The following RASA3 variants were observed in gnomAD, a reference collection of about 807,000 sequenced individuals.
RASA3 encodes the protein RAS p21 protein activator 3.
Under a neutral mutation model 110.0 loss-of-function variants are expected in RASA3, and 73 were observed. The ratio of observed to expected loss-of-function variants is 0.66; its 90% CI spans 0.55 to 0.81. The LOEUF (loss-of-function observed/expected upper bound fraction) is 0.81, where lower values mean the gene tolerates loss of function less well. Ranked by LOEUF, RASA3 falls within the 30% of genes least tolerant of loss-of-function variation. The pLI is 0.00. For synonymous variants in RASA3, 500 were observed against 451.4 expected (o/e 1.11, Z -1.37); for missense variants, 976 against 1,113.2 (o/e 0.88, Z 1.75).
At position 114,052,086 on chromosome 13, in the gene RASA3, G is replaced by T; in HGVS notation, c.243C>A (p.Phe81Leu). Residue 81 changes from phenylalanine to leucine, a missense_variant, in exon 3 of 24, where the codon TTC becomes TTA. Phe to Leu is a conservative substitution (Grantham distance 22). Transcript: ENST00000334062. The stretch of plus-strand genomic sequence containing the variant: ...AATCCCTCCGGAAAACGTCTCTATC[G>T]AAAATGTAGAAGGACAGGTGACGAA... The part of the protein sequence containing the change: ...RSFRHLSFYI[F>L]DRDVFRRDSI... 3 of 1,612,724 alleles carry T rather than the reference G, an allele frequency of 1.9e-6. No individual in the cohort carries two copies. The highest frequency in any genetic ancestry group is 2.2e-5 in the South Asian group (2 of 91,048).
In RASA3 at chr13:114,099,008, CCA is replaced by C. The variant is rs2079985601; in HGVS notation, c.56-25173_56-25172del. 9.7e-5 allele frequency among the ~76,000 whole-genome samples: 9 copies of C among 92,470 alleles called. 4 individuals carry two copies. The highest frequency in any genetic ancestry group is 3.0e-4 in the African/African-American group (7 of 23,364). 60.7% of individuals were successfully genotyped at this position (92,470 alleles called of 152,430 possible). On this transcript the variant is annotated intron_variant, in intron 1 of 23. Coordinates refer to ENST00000334062, the MANE Select transcript of RASA3 (RefSeq NM_007368.4). Reference sequence around the variant, plus strand: ...GTCGGGGCCCGGCCACCCGAGCCCCCCAGACCACAGCAGTCGGGGCCCGGCCA... The same window carrying C: ...GTCGGGGCCCGGCCACCCGAGCCCCCGACCACAGCAGTCGGGGCCCGGCCA...
rs564066984 is a variant in RASA3, at chr13:114,123,565, C to T, written c.55+8870G>A. Among the ~76,000 whole-genome samples, 3 of 152,324 alleles carry T rather than the reference C, an allele frequency of 2.0e-5. No individual in the cohort carries two copies. In the South Asian group the frequency reaches 6.2e-4, roughly 32 times the overall value. On this transcript the variant is annotated intron_variant, in intron 1 of 23. Transcript: ENST00000334062. ...CCGGGCTGCAGCTTGGAGACGATGA[C>T]GTCCAAAAACCAAGCTCCAGGAAGA...
In RASA3 at chr13:114,017,282, C is replaced by G; in HGVS notation, c.1161G>C (p.Ala387=). The part of the protein sequence containing the change: ...SKCIDETMKL[A]GMHYLHVTLK... The stretch of plus-strand genomic sequence containing the variant: ...GGGTGACATGCAGGTAATGCATCCC[C>G]GCCAGCTTCATGGTCTCGTCGATGC... Residue 387 remains alanine, a synonymous_variant, in exon 12 of 24, where the codon GCG becomes GCC. Transcript: ENST00000334062. 1.9e-6 allele frequency: 3 copies of G among 1,613,902 alleles called. No homozygotes were observed. Among genetic ancestry groups the G allele is most frequent in the Non-Finnish European group, 2.5e-6 (3 of 1,180,028 alleles).
chr13:114,027,557 A>C, intron 6 of RASA3, 96 bp from the exon 7 acceptor site: 1 of 901,790 alleles, frequency 1.1e-6, no homozygotes, highest in Non-Finnish European at 1.7e-6. Flanking sequence ...CAAGTCACTT[A>C]TTGGCTTTAT....
At chr13:114,001,582 A>C (rs998723314) in intron 18 of RASA3, among the ~76,000 whole-genome samples, 3 of 136,734 alleles carry the variant, frequency 2.2e-5, no homozygotes, top group African/African-American at 8.3e-5. Context: ...GGATGCCCAC[A>C]CAACACAGAG....
At chr13:113,980,098 T>C (rs569848312) in intron 23 of RASA3, among the ~76,000 whole-genome samples, 4,431 of 128,226 alleles carry the variant, frequency 0.035, 255 homozygotes, top group African/African-American at 0.13. Flanking sequence ...CCCACGTGTG[T>C]GCACCCCTCT....
At chr13:114,079,528 A>G (rs139743067) in intron 1 of RASA3, among the ~76,000 whole-genome samples, 1 of 152,334 alleles carries the variant, frequency 6.6e-6, no homozygotes, top group Non-Finnish European at 1.5e-5. Flanking sequence ...TACCGGAACA[A>G]TAGTCTTGTG....
At chr13:114,130,753 G>A (rs916960502) in intron 1 of RASA3, among the ~76,000 whole-genome samples, 15 of 151,756 alleles carry the variant, frequency 9.9e-5, no homozygotes, top group South Asian at 2.1e-4. Context: ...CCCCACCCCC[G>A]AGCCGCAAAG....
At chr13:114,107,311 A>G (rs187219099) in intron 1 of RASA3, among the ~76,000 whole-genome samples, 26 of 130,760 alleles carry the variant, frequency 2.0e-4, no homozygotes, top group African/African-American at 6.7e-4. Context: ...CTTGCGGGGG[A>G]CGGGCCTGTG....
intron 16 of RASA3, 41 bp from the exon 17 acceptor site, chr13:114,009,505 C>T: frequency 1.5e-6 from 2 of 1,351,604 alleles, no homozygotes; most frequent in Non-Finnish European, 2.1e-6. Context: ...GCCCGAAGTA[C>T]CTCGGCTCAC....
chr13:114,070,438 G>A (rs569793368), intron 2 of RASA3, among the ~76,000 whole-genome samples: 18 of 152,228 alleles, frequency 1.2e-4, no homozygotes, highest in Middle Eastern at 3.4e-3. Flanking sequence ...CAGATGTAGC[G>A]TGGATTCCAG....
chr13:114,046,807 A>T (rs1037392180), intron 3 of RASA3, among the ~76,000 whole-genome samples: 72 of 152,334 alleles, frequency 4.7e-4, no homozygotes, highest in Middle Eastern at 3.4e-3. Context: ...CTAAGCTGTA[A>T]ATGTGCCAAA....
At chr13:114,053,712 A>G (rs1247225414) in intron 2 of RASA3, among the ~76,000 whole-genome samples, 3 of 152,258 alleles carry the variant, frequency 2.0e-5, no homozygotes, top group African/African-American at 7.2e-5. Flanking sequence ...CCCTAAAGTC[A>G]GGTAAAGATG....
intron 1 of RASA3, among the ~76,000 whole-genome samples, chr13:114,089,602 G>A (rs1365224152): frequency 6.6e-6 from 1 of 152,140 alleles, no homozygotes; most frequent in African/African-American, 2.4e-5. Flanking sequence ...GCCCTGCACG[G>A]ACATCAGCCC....
chr13:114,018,682 G>C, intron 10 of RASA3, 81 bp downstream of exon 10: 1 of 1,532,538 alleles, frequency 6.5e-7, no homozygotes, highest in Non-Finnish European at 8.9e-7. Context: ...GTGCCCTCTG[G>C]GGTGGGCCCG....
At chr13:114,022,088 T>G (rs1036378059) in intron 8 of RASA3, among the ~76,000 whole-genome samples, 1 of 152,092 alleles carries the variant, frequency 6.6e-6, no homozygotes, top group African/African-American at 2.4e-5. Context: ...GCTCATGATC[T>G]AGGGGCACAA....
intron 7 of RASA3, among the ~76,000 whole-genome samples, chr13:114,026,263 C>T (rs1350137979): frequency 6.6e-6 from 1 of 152,208 alleles, no homozygotes; most frequent in African/African-American, 2.4e-5. Context: ...AAGCCAGCAG[C>T]CGAGGCGGGG....
intron 21 of RASA3, among the ~76,000 whole-genome samples, chr13:113,994,478 G>T (rs2053189339): frequency 6.6e-6 from 1 of 152,150 alleles, no homozygotes; most frequent in Non-Finnish European, 1.5e-5. Flanking sequence ...AAAAAAAGAA[G>T]AAAGAAGATG....
chr13:114,091,642 G>C lies in RASA3; in HGVS notation c.56-17805C>G, dbSNP rs561676966. On this transcript the variant is annotated intron_variant, in intron 1 of 23. Coordinates refer to ENST00000334062, the MANE Select transcript of RASA3 (RefSeq NM_007368.4). ...TCTTGCTGAGGACTTTTGTGTCTGT[G>C]TTCATCAGAGACATTGGCCTTTAGT... Among the ~76,000 whole-genome samples, 26 of 151,612 alleles carry C rather than the reference G, an allele frequency of 1.7e-4. No homozygotes were observed. The East Asian group carries it at 4.5e-3, about 26-fold the overall frequency.
Sources: allele counts gnomAD v4.1 joint callset (sites outside exome capture counted in the v4.1 genomes callset), GRCh38; gene constraint gnomAD v4.1.1; transcripts MANE v1.5; gene names NCBI Gene and HGNC (gene_info 2026-07-23, HGNC 2026-07-21).